Variants in YES1 observed in about 807,000 individuals in gnomAD.
The protein encoded by YES1 is YES proto-oncogene 1, Src family tyrosine kinase, also known as tyrosine-protein kinase Yes.
Under a neutral mutation model 70.4 loss-of-function variants are expected in YES1, and 39 were observed. That is an observed-to-expected ratio of 0.55 (90% CI 0.43 to 0.72). The LOEUF (loss-of-function observed/expected upper bound fraction) is 0.72. YES1 is among the 30% of genes least tolerant of loss of function. The probability of loss-of-function intolerance (pLI) is 0.00; values close to 1 mark genes in which losing one functional copy is unlikely to be tolerated. For synonymous variants in YES1, 198 were observed against 218.6 expected (o/e 0.91, Z 0.83); for missense variants, 495 against 644.8 (o/e 0.77, Z 2.52).
At position 783,288 on chromosome 18, in the gene YES1, A is replaced by T. The variant is rs964432214; in HGVS notation, c.-8-26453T>A. Among the ~76,000 whole-genome samples, 8 of 152,162 alleles carry T rather than the reference A, an allele frequency of 5.3e-5. 1 individual carries two copies. The highest frequency in any genetic ancestry group is 5.2e-4 in the Admixed American group (8 of 15,272). On this transcript the variant is annotated intron_variant, in intron 1 of 11. Transcript: ENST00000314574. ...GACCCAAAGAGAAAGTTGAGAAAAT[A>T]TCTCAAATATACATTTAAAAACTCA... is the stretch of plus-strand genomic sequence containing the variant.
chr18:796,254 C>A (rs562960359), intron 1 of YES1, among the ~76,000 whole-genome samples: 1 of 152,038 alleles, frequency 6.6e-6, no homozygotes, highest in Non-Finnish European at 1.5e-5. Flanking sequence ...ACAGTCCTAG[C>A]GTGTAATTTG....
chr18:771,489 A>G (rs896860193), intron 1 of YES1, among the ~76,000 whole-genome samples: 1 of 152,192 alleles, frequency 6.6e-6, no homozygotes, highest in Non-Finnish European at 1.5e-5. Flanking sequence ...ATAAATTAAC[A>G]TTTTAAGTGT....
Position 722,061 on chromosome 18 carries a change from C to G in YES1, c.*2363G>C, listed in dbSNP as rs192224474. ...AATTGTTATTATATAAGGAACTGCT[C>G]CATTCAGTTAAAACCTAATGAATAC... On this transcript the variant is annotated 3_prime_UTR_variant, in exon 12 of 12. Coordinates refer to ENST00000314574, the MANE Select transcript of YES1 (RefSeq NM_005433.4). 206 of 152,714 alleles carry G rather than the reference C, an allele frequency of 1.3e-3. No individual in the cohort carries two copies. The highest frequency in any genetic ancestry group is 4.5e-3 in the African/African-American group (189 of 41,560). The allele number at this position is 152,714 out of a possible 1,614,324, so 9.5% of individuals were successfully genotyped here. A position where few individuals can be genotyped will look rare whatever the true frequency, so the allele number is the denominator to read the frequency against.
rs541520959 is a variant in YES1 at position 795,604 on chromosome 18, A to G, written c.-9+16510T>C. Among the ~76,000 whole-genome samples the G allele has an allele frequency of 4.7e-4, 72 of 152,254 alleles. 1 individual carries two copies. Among genetic ancestry groups the G allele is most frequent in the African/African-American group, 1.5e-3 (63 of 41,530 alleles). ...AAAGAAATGAGTTCATGTCCTTTGC[A>G]AGGACATGGATGAAGCTGGAAATCA... On this transcript the variant is annotated intron_variant, in intron 1 of 11. Transcript: ENST00000314574.
upstream of YES1, chr18:812,363 G>C (rs1306604336): frequency 4.0e-5 from 6 of 150,766 alleles, no homozygotes; most frequent in East Asian, 9.9e-4. Flanking sequence ...GACTTCTAGC[G>C]GGGGCGGGGG....
Position 724,126 on chromosome 18 carries a change from T to C in YES1, c.*298A>G, listed in dbSNP as rs1247784818. On this transcript the variant is annotated 3_prime_UTR_variant, in exon 12 of 12. Coordinates refer to ENST00000314574, the MANE Select transcript of YES1 (RefSeq NM_005433.4). ...TTGGGGAAAAAAAGAAAGGAAATGA[T>C]TTATAAATAAGCAGGAGCCTCACTG... 1 of 244,196 alleles carries C rather than the reference T, an allele frequency of 4.1e-6. No homozygotes were observed. The highest frequency in any genetic ancestry group is 4.9e-5 in the Admixed American group (1 of 20,412). 15.1% of individuals were successfully genotyped at this position (244,196 alleles called of 1,614,324 possible). A position where few individuals can be genotyped will look rare whatever the true frequency, so the allele number is the denominator to read the frequency against.
At chr18:795,646 A>C (rs1906499697) in intron 1 of YES1, among the ~76,000 whole-genome samples, 1 of 151,938 alleles carries the variant, frequency 6.6e-6, no homozygotes, top group African/African-American at 2.4e-5. Context: ...TCAGCAAACT[A>C]ACACAGGAAC....
In YES1 at chr18:747,946, C is replaced by A; in HGVS notation, c.444G>T (p.Ala148=). Reference sequence around the variant, plus strand: ...CTTCTGCCTGAATGGAATCTGCAGGCGCTACATAATTGCTCGGGATATAAC... The same window carrying A: ...CTTCTGCCTGAATGGAATCTGCAGGAGCTACATAATTGCTCGGGATATAAC... ...KNGYIPSNYV[A]PADSIQAEEW... Residue 148 remains alanine, a synonymous_variant, in exon 4 of 12, where the codon GCG becomes GCT. Coordinates refer to ENST00000314574, the MANE Select transcript of YES1 (RefSeq NM_005433.4). 6.2e-7 allele frequency: 1 copy of A among 1,613,612 alleles called. No individual in the cohort carries two copies.
At position 739,719 on chromosome 18, in the gene YES1, G is replaced by A; in HGVS notation, c.1137+16C>T. ...ACACTTTTAATTCAAATGGATACAT[G>A]TATATATACAGATACCTGAGCAGCC... On this transcript the variant is annotated intron_variant, in intron 9 of 11. Transcript: ENST00000314574. 1.3e-6 allele frequency: 2 copies of A among 1,584,656 alleles called. No homozygotes were observed. The highest frequency in any genetic ancestry group is 1.7e-6 in the Non-Finnish European group (2 of 1,156,960).
intron 1 of YES1, among the ~76,000 whole-genome samples, chr18:805,158 T>G (rs1250390408): frequency 6.6e-6 from 1 of 152,184 alleles, no homozygotes; most frequent in East Asian, 1.9e-4. Flanking sequence ...TCTGACATTA[T>G]GTGAACACTC....
chr18:793,922 C>G (rs1408394289), intron 1 of YES1, among the ~76,000 whole-genome samples: 1 of 152,078 alleles, frequency 6.6e-6, no homozygotes, highest in African/African-American at 2.4e-5. Context: ...ATAAGTCACT[C>G]TGATAAATAA....
At position 723,049 on chromosome 18, in the gene YES1, G is replaced by C. The variant is rs1293085984; in HGVS notation, c.*1375C>G. ...AGAGCTTGCAGTGAGCCGAGATCGC[G>C]CCACTGCACTCCAGCCTGGGCGACA... On this transcript the variant is annotated 3_prime_UTR_variant, in exon 12 of 12. Coordinates refer to ENST00000314574, the MANE Select transcript of YES1 (RefSeq NM_005433.4). 1 of 152,116 alleles carries C rather than the reference G, an allele frequency of 6.6e-6. No individual in the cohort carries two copies. The highest frequency in any genetic ancestry group is 1.5e-5 in the Non-Finnish European group (1 of 68,030). 9.4% of individuals were successfully genotyped at this position (152,116 alleles called of 1,614,324 possible). A position where few individuals can be genotyped will look rare whatever the true frequency, so the allele number is the denominator to read the frequency against.
intron 1 of YES1, among the ~76,000 whole-genome samples, chr18:765,828 AT>A (rs1160739416): frequency 3.3e-5 from 5 of 152,262 alleles, no homozygotes; most frequent in African/African-American, 4.8e-5. Flanking sequence ...AGGCCAGCTG[AT>A]TAGTAATTTG....
Position 747,952 on chromosome 18 carries a change from A to G in YES1, c.438T>C (p.Tyr146=), listed in dbSNP as rs2080299586. ...TGKNGYIPSN[Y]VAPADSIQAE... ...CCTGAATGGAATCTGCAGGCGCTAC[A>G]TAATTGCTCGGGATATAACCATTCT... is the stretch of plus-strand genomic sequence containing the variant. Residue 146 remains tyrosine, a synonymous_variant, in exon 4 of 12, where the codon TAT becomes TAC. Coordinates refer to ENST00000314574, the MANE Select transcript of YES1 (RefSeq NM_005433.4). 2.5e-6 allele frequency: 4 copies of G among 1,613,706 alleles called. No individual in the cohort carries two copies. The highest frequency in any genetic ancestry group is 1.1e-5 in the South Asian group (1 of 91,084).
At position 745,953 on chromosome 18, in the gene YES1, G is replaced by A; in HGVS notation, c.569C>T (p.Thr190Ile). The change falls in exon 5 of 12, where the codon ACT becomes ATT. Residue 190 changes from threonine (T) to isoleucine (I), a missense_variant. By Grantham distance (89) the Thr-to-Ile change is moderately conservative (BLOSUM62 -1). Transcript: ENST00000314574. ...GIFLVRESET[T>I]KGAYSLSIRD... The stretch of plus-strand genomic sequence containing the variant: ...TAATATAACAATATTCATACCTTTA[G>A]TTGTTTCACTCTCTCTTACTAAGAA... The A allele has an allele frequency of 3.1e-6, 5 of 1,611,002 alleles. No individual in the cohort carries two copies. The highest frequency in any genetic ancestry group is 4.2e-6 in the Non-Finnish European group (5 of 1,178,202).
chr18:729,278 G>T (rs2080058530), intron 11 of YES1, among the ~76,000 whole-genome samples: 1 of 152,026 alleles, frequency 6.6e-6, no homozygotes, highest in South Asian at 2.1e-4. Context: ...GGCCAGGCGG[G>T]GTGGCTCACG....
rs142865614 is a variant in YES1 at position 756,636 on chromosome 18, T to A, written c.192A>T (p.Gly64=). Residue 64 remains glycine, a synonymous_variant, in exon 2 of 12, where the codon GGA becomes GGT. Transcript: ENST00000314574. ...CTCCAAAAGGCGTTACCCCTGAGGATCCTCCAAATGGTGTCATGGAAAGAC... is the reference window on the plus strand; with the variant it reads ...CTCCAAAAGGCGTTACCCCTGAGGAACCTCCAAATGGTGTCATGGAAAGAC... The part of the protein sequence containing the change: ...FSSLSMTPFG[G]SSGVTPFGGA... 5.6e-5 allele frequency: 91 copies of A among 1,614,168 alleles called. 2 individuals carry two copies. In the African/African-American group the frequency reaches 1.1e-3, roughly 19 times the overall value.
intron 1 of YES1, among the ~76,000 whole-genome samples, chr18:802,632 C>T (rs1447118133): frequency 2.0e-5 from 3 of 151,958 alleles, no homozygotes; most frequent in Non-Finnish European, 1.5e-5. Flanking sequence ...GACAAGAAAT[C>T]TCCCTTTCCA....
In YES1 at chr18:739,724, TATAC is replaced by T; in HGVS notation, c.1137+7_1137+10del. Reference sequence around the variant, plus strand: ...TTTAATTCAAATGGATACATGTATATATACAGATACCTGAGCAGCCATATCAACC... The same window carrying T: ...TTTAATTCAAATGGATACATGTATATAGATACCTGAGCAGCCATATCAACC... On this transcript the variant is annotated splice_region_variant and intron_variant, in intron 9 of 11. Coordinates refer to ENST00000314574, the MANE Select transcript of YES1 (RefSeq NM_005433.4). The T allele has an allele frequency of 6.2e-7, 1 of 1,600,482 alleles. No individual in the cohort carries two copies.
Sources: allele counts gnomAD v4.1 joint callset (sites outside exome capture counted in the v4.1 genomes callset), GRCh38; gene constraint gnomAD v4.1.1; transcripts MANE v1.5; gene names NCBI Gene and HGNC (gene_info 2026-07-23, HGNC 2026-07-21).